Variants in STMN2 observed in about 807,000 individuals in gnomAD.
STMN2 encodes stathmin 2.
Under a neutral mutation model 24.1 loss-of-function variants are expected in STMN2, and 2 were observed. The observed-to-expected ratio is 0.08, with a 90% confidence interval of 0.03 to 0.26. The LOEUF (loss-of-function observed/expected upper bound fraction) is 0.26. Among genes scored for constraint, STMN2 ranks in the 10% least tolerant of loss-of-function variants. The pLI, the probability that STMN2 is intolerant of heterozygous loss-of-function variation, is 1.00. For missense variants in STMN2, 114 were observed against 213.6 expected (o/e 0.53, Z 2.91); for synonymous variants, 83 against 77.5 (o/e 1.07, Z -0.37).
At chr8:79,663,580 C>T in intron 4 of STMN2, 1 of 1,520,478 alleles carries the variant, frequency 6.6e-7, no homozygotes, top group Non-Finnish European at 8.8e-7. Flanking sequence ...TACTTTATAG[C>T]TGGTCAAGTT....
chr8:79,647,870 T>C (rs1810250286), intron 3 of STMN2, among the ~76,000 whole-genome samples: 4 of 152,234 alleles, frequency 2.6e-5, no homozygotes, highest in Admixed American at 2.6e-4. Flanking sequence ...TGAAATGACA[T>C]GAATGCTTTA....
At chr8:79,636,247 G>A (rs1006199355) in intron 1 of STMN2, among the ~76,000 whole-genome samples, 1 of 152,154 alleles carries the variant, frequency 6.6e-6, no homozygotes, top group South Asian at 2.1e-4. Flanking sequence ...AGAAAAGATG[G>A]ACAGATAAGA....
intron 1 of STMN2, among the ~76,000 whole-genome samples, chr8:79,622,961 T>C (rs563237737): frequency 7.2e-4 from 109 of 152,200 alleles, no homozygotes; most frequent in African/African-American, 2.5e-3. Context: ...CAATATCTCA[T>C]TGCCACCTCC....
intron 1 of STMN2, chr8:79,620,980 C>T: frequency 1.0e-6 from 1 of 985,118 alleles, no homozygotes; most frequent in Non-Finnish European, 1.2e-6. Flanking sequence ...GTAGGGTCCC[C>T]AAGCAGCAGG....
chr8:79,631,520 C>A, intron 1 of STMN2: 1 of 816,780 alleles, frequency 1.2e-6, no homozygotes, highest in Non-Finnish European at 1.5e-6. Context: ...TGTCAGTGAT[C>A]TTCTGATATG....
chr8:79,615,841 C>T lies in STMN2; in HGVS notation c.19+4627C>T, dbSNP rs186405619. Among the ~76,000 whole-genome samples, 185 of 152,164 alleles carry T rather than the reference C, an allele frequency of 1.2e-3. 1 individual carries two copies. Among genetic ancestry groups the T allele is most frequent in the African/African-American group, 4.3e-3 (177 of 41,506 alleles). ...AGATACACGCCCTGGTTAATTATTC[C>T]CTGATGGTTTTACTTCTCAGTTTTA... On this transcript the variant is annotated intron_variant, in intron 1 of 4. Coordinates refer to ENST00000220876, the MANE Select transcript of STMN2 (RefSeq NM_007029.4).
chr8:79,658,955 T>C (rs1806441066), intron 4 of STMN2, among the ~76,000 whole-genome samples: 1 of 152,226 alleles, frequency 6.6e-6, no homozygotes, highest in African/African-American at 2.4e-5. Flanking sequence ...CTTGTATTAT[T>C]TTAAAGGCTC....
Position 79,655,057 on chromosome 8 carries a change from G to A in STMN2, c.475G>A (p.Glu159Lys). The change falls in exon 4 of 5, where the codon GAA becomes AAA. Residue 159 changes from glutamate to lysine, a missense_variant. By Grantham distance (56) the Glu-to-Lys change is moderately conservative. Transcript: ENST00000220876. ...NLAAIIERLQ[E>K]KERHAAEVRR... ...AGCTGCTATTATTGAACGTCTGCAG[G>A]AAAAGGTAATCTCAGCAGAGTCCTG... The A allele has an allele frequency of 6.2e-7, 1 of 1,613,886 alleles. No individual in the cohort carries two copies. Among genetic ancestry groups the A allele is most frequent in the Non-Finnish European group, 8.5e-7 (1 of 1,179,868 alleles).
At chr8:79,660,897 A>G (rs1396932748) in intron 4 of STMN2, among the ~76,000 whole-genome samples, 6 of 151,552 alleles carry the variant, frequency 4.0e-5, no homozygotes, top group Admixed American at 2.0e-4. Flanking sequence ...AGAACATATG[A>G]TAGTTAGTGC....
Position 79,665,003 on chromosome 8 carries a change from CAAAAAAAATCAAAAATT to C in STMN2, c.*142_*158del. The C allele has an allele frequency of 1.6e-6, 1 of 617,130 alleles. No individual in the cohort carries two copies. The highest frequency in any genetic ancestry group is 2.3e-5 in the African/African-American group (1 of 42,722). The allele number at this position is 617,130 out of a possible 1,614,324, so 38.2% of individuals were successfully genotyped here. A position where few individuals can be genotyped will look rare whatever the true frequency, so the allele number is the denominator to read the frequency against. ...AGAACTCATTATAAAAAAAAAAAAACAAAAAAAATCAAAAATTAAAAAAAATCAATGCGGTCTCTTTG... is the reference window on the plus strand; with the variant it reads ...AGAACTCATTATAAAAAAAAAAAAACAAAAAAAATCAATGCGGTCTCTTTG... On this transcript the variant is annotated 3_prime_UTR_variant, in exon 5 of 5. Transcript: ENST00000220876.
intron 1 of STMN2, among the ~76,000 whole-genome samples, chr8:79,618,529 T>C (rs529904241): frequency 1.3e-5 from 2 of 152,340 alleles, no homozygotes; most frequent in East Asian, 3.9e-4. Flanking sequence ...AACTATTAGA[T>C]GTTATTTCAA....
chr8:79,638,268 G>A (rs1301166843), intron 2 of STMN2, among the ~76,000 whole-genome samples: 23 of 152,174 alleles, frequency 1.5e-4, no homozygotes, highest in Admixed American at 1.5e-3. Flanking sequence ...AGAGTGGTTA[G>A]GACAAAGGAG....
At chr8:79,626,440 A>C (rs1489189533) in intron 1 of STMN2, among the ~76,000 whole-genome samples, 1 of 152,224 alleles carries the variant, frequency 6.6e-6, no homozygotes, top group Non-Finnish European at 1.5e-5. Flanking sequence ...TCCATTTTCA[A>C]ACTATCACTG....
At chr8:79,617,293 C>A (rs927978538) in intron 1 of STMN2, among the ~76,000 whole-genome samples, 2 of 152,214 alleles carry the variant, frequency 1.3e-5, no homozygotes, top group African/African-American at 4.8e-5. Context: ...GTCTCCCATG[C>A]AGTGACTGGC....
chr8:79,657,485 A>G (rs1213474370), intron 4 of STMN2, among the ~76,000 whole-genome samples: 1 of 152,216 alleles, frequency 6.6e-6, no homozygotes, highest in Non-Finnish European at 1.5e-5. Flanking sequence ...CAGCATCCAT[A>G]CATTTTAAAA....
intron 3 of STMN2, among the ~76,000 whole-genome samples, chr8:79,648,503 C>G (rs921640245): frequency 2.4e-5 from 3 of 125,876 alleles, no homozygotes; most frequent in Non-Finnish European, 1.6e-5. Context: ...GCCACTCAGG[C>G]TCAGGCTGGA....
intron 3 of STMN2, 62 bp downstream of exon 3, chr8:79,641,612 T>C: frequency 7.8e-7 from 1 of 1,276,604 alleles, no homozygotes; most frequent in Non-Finnish European, 1.1e-6. Context: ...TCTCACACAC[T>C]CGGGCACACA....
chr8:79,612,191 C>T (rs1222052142), intron 1 of STMN2, among the ~76,000 whole-genome samples: 1 of 152,094 alleles, frequency 6.6e-6, no homozygotes, highest in African/African-American at 2.4e-5. Flanking sequence ...CCGCTCCCGA[C>T]TCCCCGCCGC....
intron 1 of STMN2, among the ~76,000 whole-genome samples, chr8:79,619,946 A>G (rs1457965737): frequency 6.6e-6 from 1 of 151,826 alleles, no homozygotes; most frequent in Non-Finnish European, 1.5e-5. Context: ...AGACTAAAAA[A>G]TGTTCAAAAG....
Sources: gnomAD v4.1 joint callset for allele counts (sites outside exome capture counted in the v4.1 genomes callset) on GRCh38, gnomAD v4.1.1 for gene constraint, MANE v1.5 for transcripts, NCBI Gene and HGNC (gene_info 2026-07-23, HGNC 2026-07-21) for gene names.